Variants in IL1RAPL2 observed in about 807,000 individuals in gnomAD.
IL1RAPL2 encodes interleukin 1 receptor accessory protein like 2.
Under a neutral mutation model 44.1 loss-of-function variants are expected in IL1RAPL2, and 3 were observed. The ratio of observed to expected loss-of-function variants is 0.07; its 90% CI spans 0.03 to 0.18. The LOEUF (loss-of-function observed/expected upper bound fraction) is 0.18. Ranked by LOEUF, IL1RAPL2 falls within the 10% of genes least tolerant of loss-of-function variation. The probability of loss-of-function intolerance (pLI) is 1.00; values close to 1 mark genes in which losing one functional copy is unlikely to be tolerated. For synonymous variants in IL1RAPL2, 181 were observed against 178.8 expected (o/e 1.01, Z -0.10); for missense variants, 391 against 496.4 (o/e 0.79, Z 2.02).
intron 2 of IL1RAPL2, among the ~76,000 whole-genome samples, chrX:105,171,284 A>C (rs1169145088): frequency 1.8e-5 from 2 of 111,052 alleles, no homozygotes; most frequent in Non-Finnish European, 3.8e-5. Flanking sequence ...CCTGTGACAG[A>C]GACCTCTGGG....
In IL1RAPL2 at chrX:105,020,857, A is replaced by G. The variant is rs550586873; in HGVS notation, c.83-174618A>G. On this transcript the variant is annotated intron_variant, in intron 2 of 10. Transcript: ENST00000372582. ...AAAAATAAATGACACCTCTTATATA[A>G]TGTATATTAGATAAGGGAGAATGAA... Among the ~76,000 whole-genome samples the G allele has an allele frequency of 1.1e-4, 12 of 111,866 alleles. No homozygotes were observed. The South Asian group carries it at 4.4e-3, about 41-fold the overall frequency.
intron 2 of IL1RAPL2, among the ~76,000 whole-genome samples, chrX:104,843,070 C>T (rs375343836): frequency 8.9e-6 from 1 of 112,049 alleles, no homozygotes; most frequent in South Asian, 3.8e-4. Flanking sequence ...AAGCACCTGA[C>T]TGGGGCTGCT....
chrX:105,352,803 T>C (rs1602371929), intron 5 of IL1RAPL2, among the ~76,000 whole-genome samples: 1 of 110,374 alleles, frequency 9.1e-6, no homozygotes, highest in Non-Finnish European at 1.9e-5. Context: ...GTAAATTTGT[T>C]TGAGTTCATT....
At chrX:104,635,004 T>C (rs1347663907) in intron 1 of IL1RAPL2, among the ~76,000 whole-genome samples, 3 of 111,703 alleles carry the variant, frequency 2.7e-5, no homozygotes, top group Non-Finnish European at 5.6e-5. Flanking sequence ...CCATGTTTAG[T>C]GCTTTCTTCA....
intron 4 of IL1RAPL2, among the ~76,000 whole-genome samples, chrX:105,246,608 G>A (rs2034221610): frequency 9.0e-6 from 1 of 111,613 alleles, no homozygotes; most frequent in Admixed American, 9.5e-5. Flanking sequence ...TGATGGATAA[G>A]GGGTTGAATT....
chrX:105,410,637 A>G (rs1026983132), intron 5 of IL1RAPL2, among the ~76,000 whole-genome samples: 1 of 111,607 alleles, frequency 9.0e-6, no homozygotes, highest in African/African-American at 3.2e-5. Flanking sequence ...TAAAGAAAAA[A>G]TAAATCAGCC....
chrX:105,182,351 C>A (rs952658448), intron 2 of IL1RAPL2, among the ~76,000 whole-genome samples: 39 of 111,180 alleles, frequency 3.5e-4, no homozygotes, highest in African/African-American at 1.1e-3. Context: ...TTATTATATC[C>A]TTTTACTGAA....
At chrX:105,176,671 C>A (rs1441170781) in intron 2 of IL1RAPL2, among the ~76,000 whole-genome samples, 1 of 110,791 alleles carries the variant, frequency 9.0e-6, no homozygotes, top group Non-Finnish European at 1.9e-5. Context: ...GCAACACCAC[C>A]CCATCCACCT....
At chrX:105,076,855 A>T (rs2032313306) in intron 2 of IL1RAPL2, among the ~76,000 whole-genome samples, 1 of 110,902 alleles carries the variant, frequency 9.0e-6, no homozygotes, top group African/African-American at 3.3e-5. Flanking sequence ...ATCCGAGACT[A>T]GGATTGCAAC....
intron 5 of IL1RAPL2, among the ~76,000 whole-genome samples, chrX:105,410,064 C>T (rs949127116): frequency 1.8e-5 from 2 of 110,080 alleles, no homozygotes; most frequent in Non-Finnish European, 3.8e-5. Flanking sequence ...ATTAAGATAG[C>T]GGAAGACTTG....
chrX:105,325,254 A>G (rs1417185603), intron 5 of IL1RAPL2, among the ~76,000 whole-genome samples: 4 of 110,596 alleles, frequency 3.6e-5, no homozygotes, highest in African/African-American at 6.6e-5. Flanking sequence ...GTCTCTATAC[A>G]TTAGCCTTTT....
At chrX:105,074,359 C>G (rs750043048) in intron 2 of IL1RAPL2, among the ~76,000 whole-genome samples, 1 of 110,742 alleles carries the variant, frequency 9.0e-6, no homozygotes, top group Non-Finnish European at 1.9e-5. Context: ...TGTAGATATG[C>G]GGCATTATTT....
intron 2 of IL1RAPL2, among the ~76,000 whole-genome samples, chrX:105,031,442 T>G (rs2031493517): frequency 8.9e-6 from 1 of 111,758 alleles, no homozygotes; most frequent in Admixed American, 9.5e-5. Flanking sequence ...TATTGAGAGT[T>G]TTTAGCATGA....
At chrX:104,675,307 C>A (rs1398583619) in intron 2 of IL1RAPL2, among the ~76,000 whole-genome samples, 2 of 111,398 alleles carry the variant, frequency 1.8e-5, no homozygotes, top group Non-Finnish European at 3.8e-5. Context: ...TGTCTTTGTT[C>A]TCATTGGTTT....
chrX:105,745,193 CT>C (rs2038530869), intron 8 of IL1RAPL2, among the ~76,000 whole-genome samples: 1 of 111,665 alleles, frequency 9.0e-6, no homozygotes, highest in South Asian at 3.8e-4. Context: ...CTGATCACGA[CT>C]ATTTAGGCAA....
rs532339917 is a variant in IL1RAPL2, at chrX:104,651,729, G to A, written c.-19-7166G>A. On this transcript the variant is annotated intron_variant, in intron 1 of 10. Transcript: ENST00000372582. ...CAATGTTCTTAACAAAGTCACTGGCGTTATATAAGTTCTAAATTGGGGGGT... is the reference window on the plus strand; with the variant it reads ...CAATGTTCTTAACAAAGTCACTGGCATTATATAAGTTCTAAATTGGGGGGT... Among the ~76,000 whole-genome samples, 101 of 111,289 alleles carry A rather than the reference G, an allele frequency of 9.1e-4. 1 individual carries two copies. The South Asian group carries it at 0.037, about 41-fold the overall frequency.
At chrX:105,419,120 A>G (rs1419979094) in intron 5 of IL1RAPL2, among the ~76,000 whole-genome samples, 1 of 111,857 alleles carries the variant, frequency 8.9e-6, no homozygotes, top group Non-Finnish European at 1.9e-5. Flanking sequence ...ATAACGTGCA[A>G]TTGCTCAGGG....
intron 2 of IL1RAPL2, among the ~76,000 whole-genome samples, chrX:104,916,780 G>T (rs140320473): frequency 4.8e-4 from 53 of 110,956 alleles, no homozygotes; most frequent in Middle Eastern, 4.6e-3. Context: ...TAGCATGAAG[G>T]GTTGTTGAAT....
intron 2 of IL1RAPL2, among the ~76,000 whole-genome samples, chrX:105,143,318 T>C (rs1356063536): frequency 8.9e-6 from 1 of 111,899 alleles, no homozygotes; most frequent in Non-Finnish European, 1.9e-5. Context: ...AGAAGACATT[T>C]ATGCAGCCAA....
Sources: allele counts gnomAD v4.1 joint callset (sites outside exome capture counted in the v4.1 genomes callset), GRCh38; gene constraint gnomAD v4.1.1; transcripts MANE v1.5; gene names NCBI Gene and HGNC (gene_info 2026-07-23, HGNC 2026-07-21).